MAP2: variants seen among roughly 807,000 people sequenced by gnomAD.
The protein encoded by MAP2 is microtubule associated protein 2, also known as microtubule-associated protein 2.
A neutral mutation model predicts 137.6 loss-of-function variants in MAP2; 14 were observed. That is an observed-to-expected ratio of 0.10 (90% confidence interval 0.07 to 0.16). The LOEUF (loss-of-function observed/expected upper bound fraction) is 0.16, where lower values mean the gene tolerates loss of function less well. Among genes scored for constraint, MAP2 ranks in the 10% least tolerant of loss-of-function variants. MAP2 has a pLI of 1.00. For synonymous variants in MAP2, 786 were observed against 782.3 expected, an observed-to-expected ratio of 1.00 and a Z score of -0.08; for missense variants, 2,088 against 2,191.5, an observed-to-expected ratio of 0.95 and a Z score of 0.94.
intron 3 of MAP2, among the ~76,000 whole-genome samples, chr2:209,614,842 A>G (rs1044067488): frequency 6.6e-6 from 1 of 152,156 alleles, no homozygotes. Context: ...CATGCAGCAG[A>G]AGATAAAGAA....
intron 2 of MAP2, among the ~76,000 whole-genome samples, chr2:209,568,246 A>G (rs1443004167): frequency 2.0e-5 from 3 of 151,996 alleles, no homozygotes; most frequent in Non-Finnish European, 4.4e-5. Context: ...AGCCAAGAGA[A>G]TAAGTCTGGA....
Position 209,659,426 on chromosome 2 carries a change from T to A in MAP2, c.262+5994T>A, listed in dbSNP as rs545749866. ...GTAGATAATATGACTACTACCAGAA[T>A]GCAAGTCTCTTGCCCTACAGACCAG... On this transcript the variant is annotated intron_variant, in intron 5 of 15. Transcript: ENST00000682079. 9.2e-5 allele frequency among the ~76,000 whole-genome samples: 14 copies of A among 152,324 alleles called. No homozygotes were observed. The East Asian group carries it at 2.7e-3, about 29-fold the overall frequency.
intron 1 of MAP2, among the ~76,000 whole-genome samples, chr2:209,481,144 G>A (rs1708660201): frequency 1.3e-5 from 2 of 152,214 alleles, no homozygotes; most frequent in South Asian, 4.1e-4. Flanking sequence ...GACACAGAGT[G>A]TAGCTTACTG....
intron 5 of MAP2, among the ~76,000 whole-genome samples, chr2:209,665,352 G>T (rs981972457): frequency 1.3e-5 from 2 of 152,114 alleles, no homozygotes; most frequent in African/African-American, 4.8e-5. Context: ...AATTTTTCAT[G>T]TTCATTTCTG....
At chr2:209,508,917 G>T (rs1437933482) in intron 2 of MAP2, among the ~76,000 whole-genome samples, 2 of 151,584 alleles carry the variant, frequency 1.3e-5, no homozygotes, top group African/African-American at 2.4e-5. Context: ...AAGATTTTTT[G>T]AATTTTTTTC....
At chr2:209,624,366 T>C (rs1445933341) in intron 3 of MAP2, among the ~76,000 whole-genome samples, 1 of 152,180 alleles carries the variant, frequency 6.6e-6, no homozygotes, top group African/African-American at 2.4e-5. Flanking sequence ...GTGCGTCCTT[T>C]GTAGTCCTCT....
chr2:209,575,518 C>CA (rs71043942), intron 2 of MAP2, among the ~76,000 whole-genome samples: 7,162 of 28,254 alleles, frequency 0.25, 2,019 homozygotes, highest in African/African-American at 0.37. Flanking sequence ...GACTCCATCT[C>CA]AAAAAAAAAA....
At chr2:209,538,021 G>T (rs1346826644) in intron 2 of MAP2, among the ~76,000 whole-genome samples, 2 of 152,182 alleles carry the variant, frequency 1.3e-5, no homozygotes, top group African/African-American at 2.4e-5. Flanking sequence ...CAGAGTCACA[G>T]TCAGGCAGAT....
At position 209,696,950 on chromosome 2, in the gene MAP2, C is replaced by G; in HGVS notation, c.4421C>G (p.Thr1474Arg). The G allele has an allele frequency of 6.2e-7, 1 of 1,609,174 alleles. No homozygotes were observed. Among genetic ancestry groups the G allele is most frequent in the Non-Finnish European group, 8.5e-7 (1 of 1,178,808 alleles). ...AAGAAGGCTGAACTTGCTAAAAAAA[C>G]AGAAGTTCAGGCCCACTCTCCCTCC... ...VYKKAELAKK[T>R]EVQAHSPSRK... is the part of the protein sequence containing the mutation. Residue 1474 changes from threonine to arginine, a missense_variant, in exon 10 of 16, where the codon ACA (threonine) becomes AGA (arginine). Around this residue, in one of 6 missense-constraint regions of MAP2, gnomAD observed 591 missense variants for 642.6 expected, o/e 0.92. Transcript: ENST00000682079.
chr2:209,704,504 T>TA (rs764597463), intron 11 of MAP2: 26 of 1,613,016 alleles, frequency 1.6e-5, no homozygotes, highest in Admixed American at 1.2e-4. Context: ...GTCCCCAAGA[T>TA]ACAGCTCAGC....
chr2:209,656,121 G>A (rs1183375104), intron 5 of MAP2, among the ~76,000 whole-genome samples: 1 of 151,806 alleles, frequency 6.6e-6, no homozygotes, highest in Non-Finnish European at 1.5e-5. Context: ...TTTATTATGG[G>A]CAATAATAAT....
chr2:209,629,803 G>A (rs1302298779), intron 4 of MAP2, among the ~76,000 whole-genome samples: 1 of 152,156 alleles, frequency 6.6e-6, no homozygotes, highest in Non-Finnish European at 1.5e-5. Context: ...AGGCAGAATT[G>A]CCCACATACT....
intron 4 of MAP2, among the ~76,000 whole-genome samples, chr2:209,631,395 A>G (rs992957899): frequency 4.6e-5 from 7 of 152,066 alleles, no homozygotes; most frequent in African/African-American, 1.7e-4. Flanking sequence ...CCTCAGTCCT[A>G]TGGTCATTGA....
intron 2 of MAP2, among the ~76,000 whole-genome samples, chr2:209,562,323 A>C (rs929237859): frequency 2.0e-5 from 3 of 152,130 alleles, no homozygotes; most frequent in African/African-American, 7.2e-5. Flanking sequence ...TAAGAGGGTA[A>C]GATATCATTT....
rs1038448253 is a variant in MAP2, at chr2:209,731,095, A to C, written c.*698A>C. On this transcript the variant is annotated 3_prime_UTR_variant, in exon 16 of 16. Transcript: ENST00000682079. Reference sequence around the variant, plus strand: ...TGGACTCGTGTCTGATTAGAATGTCAGTTGATCAGCTAGATTTGTGTCCAC... The same window carrying C: ...TGGACTCGTGTCTGATTAGAATGTCCGTTGATCAGCTAGATTTGTGTCCAC... The C allele has an allele frequency of 6.6e-6, 1 of 152,654 alleles. No individual in the cohort carries two copies. The highest frequency in any genetic ancestry group is 2.4e-5 in the African/African-American group (1 of 41,442). 9.5% of individuals were successfully genotyped at this position (152,654 alleles called of 1,614,324 possible).
rs563223164 is a variant in MAP2 at position 209,653,577 on chromosome 2, G to A, written c.262+145G>A. 13 of 752,890 alleles carry A rather than the reference G, an allele frequency of 1.7e-5. No individual in the cohort carries two copies. In the South Asian group the frequency reaches 3.7e-4, roughly 21 times the overall value. 46.6% of individuals were successfully genotyped at this position (752,890 alleles called of 1,614,324 possible). A position where few individuals can be genotyped will look rare whatever the true frequency, so the allele number is the denominator to read the frequency against. ...GTCAGTCAGAGGAAATAAAAGAAGA[G>A]AAAAATCATGGCAACTAACTTGACA... On this transcript the variant is annotated intron_variant, in intron 5 of 15. Coordinates refer to ENST00000682079, the MANE Select transcript of MAP2 (RefSeq NM_001375505.1).
chr2:209,507,973 T>A (rs1476233672), intron 2 of MAP2, among the ~76,000 whole-genome samples: 1 of 152,150 alleles, frequency 6.6e-6, no homozygotes, highest in Non-Finnish European at 1.5e-5. Context: ...AGGCTGACCT[T>A]TCAAAGAATG....
chr2:209,595,656 C>T (rs149658446), intron 3 of MAP2, among the ~76,000 whole-genome samples: 7,142 of 152,232 alleles, frequency 0.047, 238 homozygotes, highest in African/African-American at 0.093. Context: ...GACACATGCA[C>T]ATGTATGTTT....
chr2:209,493,933 G>A (rs1370742678), intron 1 of MAP2, among the ~76,000 whole-genome samples: 3 of 152,170 alleles, frequency 2.0e-5, no homozygotes, highest in Non-Finnish European at 1.5e-5. Flanking sequence ...CCATTACTGG[G>A]TATATACCCA....
Sources: gnomAD v4.1 joint callset for allele counts (sites outside exome capture counted in the v4.1 genomes callset) on GRCh38, gnomAD v4.1.1 for gene constraint, gnomAD v4.1.1 regional missense constraint, MANE v1.5 for transcripts, NCBI Gene and HGNC (gene_info 2026-07-23, HGNC 2026-07-21) for gene names.